Variants in KIAA1328 observed in about 807,000 individuals in gnomAD.
KIAA1328 encodes the protein KIAA1328.
KIAA1328 carries 52 observed loss-of-function variants against 68.1 expected under a neutral mutation model. The observed-to-expected ratio is 0.76, with a 90% CI of 0.61 to 0.96. The LOEUF is 0.96. KIAA1328 is among the 40% of genes least tolerant of loss of function. The pLI, the probability that KIAA1328 is intolerant of heterozygous loss-of-function variation, is 0.00. For missense variants in KIAA1328, 641 were observed against 677.6 expected (o/e 0.95, Z 0.60); for synonymous variants, 232 against 239.4 (o/e 0.97, Z 0.28).
intron 4 of KIAA1328, among the ~76,000 whole-genome samples, chr18:36,884,589 T>C (rs1235363093): frequency 6.6e-6 from 1 of 152,214 alleles, no homozygotes; most frequent in East Asian, 1.9e-4. Context: ...ACGCAGAAAT[T>C]GCTCTAGTAG....
chr18:36,877,704 T>G (rs1424680485), intron 4 of KIAA1328, among the ~76,000 whole-genome samples: 4 of 148,370 alleles, frequency 2.7e-5, no homozygotes, highest in Non-Finnish European at 4.5e-5. Flanking sequence ...TCTTGCTCTG[T>G]CGCCCAGGCT....
intron 9 of KIAA1328, among the ~76,000 whole-genome samples, chr18:37,199,520 G>A (rs190871149): frequency 3.3e-5 from 5 of 152,134 alleles, no homozygotes; most frequent in Admixed American, 1.3e-4. Flanking sequence ...GGTTGATTCC[G>A]TGTCTTTGCT....
intron 7 of KIAA1328, among the ~76,000 whole-genome samples, chr18:37,074,267 C>CA (rs1213909157): frequency 6.6e-6 from 1 of 152,152 alleles, no homozygotes; most frequent in African/African-American, 2.4e-5. Context: ...GTTTCTAAGG[C>CA]AAAAACAAAG....
At chr18:36,864,555 A>G (rs72885285) in intron 4 of KIAA1328, among the ~76,000 whole-genome samples, 8,788 of 138,380 alleles carry the variant, frequency 0.064, 401 homozygotes, top group Non-Finnish European at 0.088. Context: ...TTGATTTTCT[A>G]TTAGTTTGTT....
chr18:37,128,349 C>T (rs2058442125), intron 7 of KIAA1328, among the ~76,000 whole-genome samples: 1 of 152,010 alleles, frequency 6.6e-6, no homozygotes, highest in Admixed American at 6.6e-5. Flanking sequence ...TGGTGCACAC[C>T]TGTAATCCCA....
chr18:36,907,444 T>C (rs2151055753), intron 5 of KIAA1328, among the ~76,000 whole-genome samples: 1 of 152,238 alleles, frequency 6.6e-6, no homozygotes, highest in East Asian at 1.9e-4. Context: ...GATACCTTTA[T>C]TTAGATTAAG....
chr18:37,225,540 C>A (rs1388882512), downstream of KIAA1328, among the ~76,000 whole-genome samples: 1 of 152,208 alleles, frequency 6.6e-6, no homozygotes, highest in Admixed American at 6.5e-5. Flanking sequence ...TGCTCACTCA[C>A]ATCACGTGAA....
At chr18:37,169,416 C>T (rs549213373) in intron 8 of KIAA1328, among the ~76,000 whole-genome samples, 3 of 152,192 alleles carry the variant, frequency 2.0e-5, no homozygotes, top group Non-Finnish European at 2.9e-5. Flanking sequence ...TCACCTGCCT[C>T]GGCCTCCCAA....
chr18:36,995,050 G>A lies in KIAA1328; in HGVS notation c.576+35615G>A, dbSNP rs556178061. ...TATACACATGCCCTGGAGGCTAGCC[G>A]CACCCATCAACCCATCACCTACATT... is the stretch of plus-strand genomic sequence containing the variant. On this transcript the variant is annotated intron_variant, in intron 6 of 9. Coordinates refer to ENST00000280020, the MANE Select transcript of KIAA1328 (RefSeq NM_020776.3). 1.2e-4 allele frequency among the ~76,000 whole-genome samples: 18 copies of A among 152,092 alleles called. No homozygotes were observed. In the South Asian group the frequency reaches 1.7e-3, roughly 14 times the overall value.
At chr18:37,047,946 T>G (rs2055541144) in intron 6 of KIAA1328, among the ~76,000 whole-genome samples, 1 of 152,200 alleles carries the variant, frequency 6.6e-6, no homozygotes, top group South Asian at 2.1e-4. Flanking sequence ...ACACCAAATG[T>G]GTTTATTCAT....
At chr18:36,936,341 G>A (rs541110954) in intron 5 of KIAA1328, among the ~76,000 whole-genome samples, 10 of 152,154 alleles carry the variant, frequency 6.6e-5, no homozygotes, top group Non-Finnish European at 1.2e-4. Context: ...TGTTCTCATT[G>A]TGCAACTCCC....
chr18:37,111,752 C>T (rs1011634239), intron 7 of KIAA1328, among the ~76,000 whole-genome samples: 6 of 152,072 alleles, frequency 3.9e-5, no homozygotes, highest in South Asian at 2.1e-4. Context: ...CACAAGGGGT[C>T]GGGGAATTCC....
chr18:37,179,810 G>T (rs535220247), intron 9 of KIAA1328, among the ~76,000 whole-genome samples: 5 of 152,180 alleles, frequency 3.3e-5, no homozygotes, highest in Non-Finnish European at 7.4e-5. Context: ...CAGAACAACT[G>T]ATGGTGTTTT....
At chr18:36,914,448 G>A (rs921048076) in intron 5 of KIAA1328, among the ~76,000 whole-genome samples, 1 of 152,164 alleles carries the variant, frequency 6.6e-6, no homozygotes, top group Admixed American at 6.5e-5. Flanking sequence ...AGGGCCGGGC[G>A]TGGTGGCTCA....
chr18:37,115,749 G>C (rs980567875), intron 7 of KIAA1328, among the ~76,000 whole-genome samples: 2 of 152,270 alleles, frequency 1.3e-5, no homozygotes, highest in Admixed American at 1.3e-4. Flanking sequence ...TGACATGATT[G>C]TATATCTAGA....
chr18:36,981,325 A>G (rs2052677949), intron 6 of KIAA1328, among the ~76,000 whole-genome samples: 2 of 114,338 alleles, frequency 1.7e-5, no homozygotes, highest in African/African-American at 2.7e-5. Flanking sequence ...AACCGTAACT[A>G]AACTGTCACA....
intron 5 of KIAA1328, among the ~76,000 whole-genome samples, chr18:36,916,936 A>C (rs1174838228): frequency 6.7e-6 from 1 of 149,456 alleles, no homozygotes; most frequent in East Asian, 1.9e-4. Context: ...TTTTTTTTTT[A>C]AAGAAAAGTG....
chr18:37,033,875 C>T (rs1370008473), intron 6 of KIAA1328, among the ~76,000 whole-genome samples: 1 of 152,166 alleles, frequency 6.6e-6, no homozygotes, highest in Non-Finnish European at 1.5e-5. Flanking sequence ...GGGCTTAGCT[C>T]ATTTGTTTGC....
At chr18:37,232,109 CAT>C (rs1463200520), downstream of KIAA1328, 1 of 152,140 alleles carries the variant, frequency 6.6e-6, no homozygotes, top group African/African-American at 2.4e-5. Flanking sequence ...AGTGTTAAAT[CAT>C]TATAATAAAT....
Sources: allele counts gnomAD v4.1 joint callset (sites outside exome capture counted in the v4.1 genomes callset), GRCh38; gene constraint gnomAD v4.1.1; transcripts MANE v1.5; gene names NCBI Gene and HGNC (gene_info 2026-07-23, HGNC 2026-07-21).